GPC5: variants seen among roughly 807,000 people sequenced by gnomAD.
GPC5 encodes the protein glypican 5, also known as glypican-5.
A neutral mutation model predicts 53.9 loss-of-function variants in GPC5; 47 were observed. The observed-to-expected ratio is 0.87, with a 90% confidence interval of 0.69 to 1.11. GPC5 has a LOEUF of 1.11. Among genes scored for constraint, GPC5 ranks in the 50% most tolerant of loss-of-function variants. GPC5 has a pLI of 0.00. For synonymous variants in GPC5, 286 were observed against 263.3 expected (o/e 1.09, Z -0.84); for missense variants, 748 against 713.1 (o/e 1.05, Z -0.56).
intron 7 of GPC5, among the ~76,000 whole-genome samples, chr13:92,609,442 A>G (rs1884363943): frequency 6.6e-6 from 1 of 152,190 alleles, no homozygotes; most frequent in African/African-American, 2.4e-5. Context: ...GTAAAAGGAA[A>G]ACACTGGAAA....
chr13:92,054,828 A>C (rs1488123479), intron 6 of GPC5, among the ~76,000 whole-genome samples: 3 of 107,592 alleles, frequency 2.8e-5, no homozygotes, highest in Non-Finnish European at 4.2e-5. Context: ...ATAACATTGA[A>C]CTATACAAAA....
chr13:91,867,151 G>T (rs1199971959), intron 5 of GPC5, among the ~76,000 whole-genome samples: 2 of 152,230 alleles, frequency 1.3e-5, no homozygotes, highest in Non-Finnish European at 2.9e-5. Context: ...GGAGGCAGAG[G>T]TTGTGGCAAG....
intron 7 of GPC5, among the ~76,000 whole-genome samples, chr13:92,552,677 G>A (rs1476694828): frequency 6.6e-6 from 1 of 151,814 alleles, no homozygotes; most frequent in African/African-American, 2.4e-5. Flanking sequence ...CTCCATCCTG[G>A]ACTCACGTAC....
At chr13:91,804,594 A>AGAGG (rs1340301215) in intron 5 of GPC5, among the ~76,000 whole-genome samples, 5 of 152,316 alleles carry the variant, frequency 3.3e-5, no homozygotes, top group African/African-American at 9.6e-5. Flanking sequence ...TAAAACAGAG[A>AGAGG]GAGGGAGAGA....
At chr13:92,862,618 TAGATAGAC>T (rs148477516) in intron 7 of GPC5, among the ~76,000 whole-genome samples, 7,294 of 139,816 alleles carry the variant, frequency 0.052, 219 homozygotes, top group East Asian at 0.14. Flanking sequence ...CTAGTGGAGA[TAGATAGAC>T]AGATAGATAG....
chr13:92,194,382 A>G (rs1425001229), intron 7 of GPC5, among the ~76,000 whole-genome samples: 1 of 152,174 alleles, frequency 6.6e-6, no homozygotes, highest in Non-Finnish European at 1.5e-5. Context: ...CTTGATCCTA[A>G]TACCGTCACT....
intron 7 of GPC5, among the ~76,000 whole-genome samples, chr13:92,428,645 C>G (rs992904390): frequency 3.9e-5 from 6 of 152,052 alleles, no homozygotes; most frequent in Non-Finnish European, 7.4e-5. Flanking sequence ...AGAGTTCTCT[C>G]TAGTTTACAT....
intron 6 of GPC5, among the ~76,000 whole-genome samples, chr13:91,950,209 T>A (rs549634231): frequency 2.6e-5 from 4 of 152,084 alleles, no homozygotes; most frequent in Admixed American, 2.6e-4. Flanking sequence ...TGCTCTAACC[T>A]TATTTCTCCT....
At chr13:91,537,927 G>A (rs912499488) in intron 2 of GPC5, among the ~76,000 whole-genome samples, 1 of 152,152 alleles carries the variant, frequency 6.6e-6, no homozygotes, top group African/African-American at 2.4e-5. Context: ...CTTCTACACA[G>A]ATGTTCATAA....
chr13:91,852,326 A>G (rs2038923393), intron 5 of GPC5, among the ~76,000 whole-genome samples: 1 of 152,072 alleles, frequency 6.6e-6, no homozygotes, highest in African/African-American at 2.4e-5. Context: ...CATCAATATC[A>G]CCGTCTTTCA....
At chr13:92,560,857 ATGTGTGTGTGTGTG>A (rs34114433) in intron 7 of GPC5, among the ~76,000 whole-genome samples, 19 of 139,254 alleles carry the variant, frequency 1.4e-4, no homozygotes, top group South Asian at 4.9e-4. Context: ...AGAAAATTAT[ATGTGTGTGTGTGTG>A]TGTGTGTGTG....
At chr13:92,548,355 A>G (rs994405707) in intron 7 of GPC5, among the ~76,000 whole-genome samples, 17 of 151,566 alleles carry the variant, frequency 1.1e-4, no homozygotes, top group Non-Finnish European at 2.2e-4. Context: ...ATGGTCTCAT[A>G]TACTAGGCAA....
chr13:91,735,936 A>T (rs1594499831), intron 4 of GPC5, among the ~76,000 whole-genome samples: 1 of 151,502 alleles, frequency 6.6e-6, no homozygotes, highest in African/African-American at 2.5e-5. Flanking sequence ...TTGGAACATT[A>T]TGAAGCAGTC....
chr13:92,560,921 C>T (rs1254654582), intron 7 of GPC5, among the ~76,000 whole-genome samples: 2 of 149,348 alleles, frequency 1.3e-5, no homozygotes, highest in African/African-American at 4.9e-5. Context: ...CCATCCCATC[C>T]TAACAGCCAA....
chr13:92,623,242 A>C (rs1243187927), intron 7 of GPC5, among the ~76,000 whole-genome samples: 1 of 152,168 alleles, frequency 6.6e-6, no homozygotes, highest in Non-Finnish European at 1.5e-5. Context: ...AGACTGCAGA[A>C]AGACTCAATG....
In GPC5 at chr13:91,634,560, A is replaced by G. The variant is rs1390331207; in HGVS notation, c.326-58627A>G. ...TAAAACAAATCACCTAATTTAGCTC[A>G]CTCTTCCGATCAAGTACGTTCTATT... On this transcript the variant is annotated intron_variant, in intron 2 of 7. Transcript: ENST00000377067. Among the ~76,000 whole-genome samples the G allele has an allele frequency of 3.3e-5, 5 of 151,412 alleles. No individual in the cohort carries two copies. The South Asian group carries it at 1.0e-3, about 32-fold the overall frequency.
intron 2 of GPC5, among the ~76,000 whole-genome samples, chr13:91,487,964 A>C (rs1366572616): frequency 6.6e-6 from 1 of 151,180 alleles, no homozygotes; most frequent in Non-Finnish European, 1.5e-5. Flanking sequence ...TTACAATATG[A>C]CTAAGGAGAT....
At chr13:92,072,251 G>A in intron 6 of GPC5, among the ~76,000 whole-genome samples, 1 of 149,908 alleles carries the variant, frequency 6.7e-6, no homozygotes, top group Non-Finnish European at 1.5e-5. Context: ...CTAATTTTCT[G>A]CTAATTTTAA....
At chr13:92,858,892 T>G (rs1879093282) in intron 7 of GPC5, among the ~76,000 whole-genome samples, 1 of 152,198 alleles carries the variant, frequency 6.6e-6, no homozygotes, top group African/African-American at 2.4e-5. Flanking sequence ...TTCTTCTACA[T>G]AATTTAACTC....
Sources: allele counts gnomAD v4.1 joint callset (sites outside exome capture counted in the v4.1 genomes callset), GRCh38; gene constraint gnomAD v4.1.1; transcripts MANE v1.5; gene names NCBI Gene and HGNC (gene_info 2026-07-23, HGNC 2026-07-21).